The following DDR2 variants were observed in gnomAD, a reference collection of about 807,000 sequenced individuals.
The protein encoded by DDR2 is discoidin domain receptor tyrosine kinase 2, also known as discoidin domain-containing receptor 2.
A neutral mutation model predicts 94.9 loss-of-function variants in DDR2; 27 were observed. That is an observed-to-expected ratio of 0.28 (90% CI 0.21 to 0.39). The LOEUF is 0.39. Among genes scored for constraint, DDR2 ranks in the 10% least tolerant of loss-of-function variants. The pLI, the probability that DDR2 is intolerant of heterozygous loss-of-function variation, is 1.00. For synonymous variants in DDR2, 382 were observed against 377.2 expected (o/e 1.01, Z -0.15); for missense variants, 783 against 1,076.0 (o/e 0.73, Z 3.81).
intron 1 of DDR2, among the ~76,000 whole-genome samples, chr1:162,648,603 A>AAGTGCTCCCATTAG (rs1657530470): frequency 6.6e-6 from 1 of 152,202 alleles, no homozygotes; most frequent in Non-Finnish European, 1.5e-5. Context: ...TTCTCAGAAC[A>AAGTGCTCCCATTAG]AGGAGCACTG....
chr1:162,743,618 G>A lies in DDR2; in HGVS notation c.83-9477G>A, dbSNP rs186900681. Among the ~76,000 whole-genome samples the A allele has an allele frequency of 1.1e-3, 174 of 152,246 alleles. 1 individual carries two copies. The highest frequency in any genetic ancestry group is 8.2e-4 in the Non-Finnish European group (56 of 68,014). ...TCCCCTAGGGTGAATGAACATAAAG[G>A]CCTGGCCACAGGCTTTGAAAAAGGA... On this transcript the variant is annotated intron_variant, in intron 3 of 17. Transcript: ENST00000367921.
At chr1:162,665,865 T>C (rs1423973997) in intron 2 of DDR2, among the ~76,000 whole-genome samples, 2 of 152,204 alleles carry the variant, frequency 1.3e-5, no homozygotes, top group Non-Finnish European at 2.9e-5. Flanking sequence ...AGTAAGTCTA[T>C]GTTTCTTTAT....
At chr1:162,711,349 T>G (rs1660904721) in intron 2 of DDR2, among the ~76,000 whole-genome samples, 2 of 152,238 alleles carry the variant, frequency 1.3e-5, no homozygotes, top group Non-Finnish European at 2.9e-5. Context: ...TTAAATGTAC[T>G]GTGTGGGATT....
intron 1 of DDR2, among the ~76,000 whole-genome samples, chr1:162,643,938 A>G (rs1657280897): frequency 6.6e-6 from 1 of 152,198 alleles, no homozygotes. Context: ...AGTCTGGCAC[A>G]TTCAGAATGG....
At chr1:162,700,647 A>G (rs1660389607) in intron 2 of DDR2, among the ~76,000 whole-genome samples, 1 of 152,110 alleles carries the variant, frequency 6.6e-6, no homozygotes, top group Non-Finnish European at 1.5e-5. Flanking sequence ...TCATCCTTTT[A>G]CTACACATGT....
intron 3 of DDR2, among the ~76,000 whole-genome samples, chr1:162,726,740 G>A (rs943330278): frequency 6.6e-6 from 1 of 152,070 alleles, no homozygotes; most frequent in Non-Finnish European, 1.5e-5. Flanking sequence ...CAGGGCTCTC[G>A]TGTGGAAAGA....
At chr1:162,656,833 G>GTTTTGTTTTTTTTTTTTT (rs1558008740) in intron 2 of DDR2, among the ~76,000 whole-genome samples, 4 of 65,682 alleles carry the variant, frequency 6.1e-5, no homozygotes, top group Non-Finnish European at 1.2e-4. Flanking sequence ...TGCCACTGGA[G>GTTTTGTTTTTTTTTTTTT]TTTTTTTTTT....
intron 1 of DDR2, among the ~76,000 whole-genome samples, chr1:162,635,450 G>T (rs537435902): frequency 7.9e-5 from 12 of 152,032 alleles, no homozygotes; most frequent in Non-Finnish European, 1.5e-4. Flanking sequence ...CACATGTCTC[G>T]CAGGCATCCA....
chr1:162,729,371 G>C (rs962297511), intron 3 of DDR2, among the ~76,000 whole-genome samples: 2 of 145,742 alleles, frequency 1.4e-5, no homozygotes, highest in African/African-American at 2.5e-5. Context: ...CTGGCCTGTG[G>C]GTCTCTGAAG....
At chr1:162,772,419 A>G in intron 13 of DDR2, 172 bp downstream of exon 13, 1 of 740,794 alleles carries the variant, frequency 1.3e-6, no homozygotes, top group Non-Finnish European at 2.3e-6. Flanking sequence ...ATCTTTGTCA[A>G]ATAGCTGTGG....
chr1:162,722,610 T>C (rs1249484647), intron 3 of DDR2, among the ~76,000 whole-genome samples: 1 of 152,248 alleles, frequency 6.6e-6, no homozygotes, highest in Non-Finnish European at 1.5e-5. Context: ...ATGATTGGAA[T>C]GTTATTAGTT....
At chr1:162,667,780 C>A (rs908096015) in intron 2 of DDR2, among the ~76,000 whole-genome samples, 19 of 152,168 alleles carry the variant, frequency 1.2e-4, no homozygotes, top group Non-Finnish European at 4.4e-5. Context: ...TGACACTACC[C>A]CTCTCCCTCA....
chr1:162,656,925 C>T (rs1395542033), intron 2 of DDR2, among the ~76,000 whole-genome samples: 4 of 134,220 alleles, frequency 3.0e-5, no homozygotes, highest in Non-Finnish European at 6.2e-5. Context: ...AATCTTGGCT[C>T]ACTGCAACCT....
At chr1:162,644,763 A>G (rs1379055637) in intron 1 of DDR2, among the ~76,000 whole-genome samples, 1 of 151,942 alleles carries the variant, frequency 6.6e-6, no homozygotes, top group Non-Finnish European at 1.5e-5. Flanking sequence ...CACCTGGCTA[A>G]TTTTGTATTT....
At chr1:162,750,727 A>G (rs1663145607) in intron 3 of DDR2, among the ~76,000 whole-genome samples, 1 of 152,152 alleles carries the variant, frequency 6.6e-6, no homozygotes, top group Non-Finnish European at 1.5e-5. Flanking sequence ...GAGGCATCAC[A>G]CTACTTGACT....
At chr1:162,758,293 G>T (rs1052208154) in intron 7 of DDR2, among the ~76,000 whole-genome samples, 1 of 152,188 alleles carries the variant, frequency 6.6e-6, no homozygotes, top group Admixed American at 6.5e-5. Flanking sequence ...GATGACATCA[G>T]AGTCTCAGGA....
At chr1:162,754,553 T>C in intron 4 of DDR2, 71 bp from the exon 5 acceptor site, 1 of 1,499,016 alleles carries the variant, frequency 6.7e-7, no homozygotes, top group Non-Finnish European at 9.3e-7. Context: ...GGCAGCTGCT[T>C]GCCTGTGAAC....
At chr1:162,727,051 TAATA>T (rs1010998583) in intron 3 of DDR2, among the ~76,000 whole-genome samples, 6 of 145,466 alleles carry the variant, frequency 4.1e-5, no homozygotes, top group African/African-American at 1.5e-4. Flanking sequence ...ATAAATATTA[TAATA>T]AATATATTAT....
rs1205657898 is a variant in DDR2 at position 162,754,924 on chromosome 1, G to T, written c.417+69G>T. 3 of 1,583,860 alleles carry T rather than the reference G, an allele frequency of 1.9e-6. No homozygotes were observed. The African/African-American group carries it at 4.0e-5, about 21-fold the overall frequency. On this transcript the variant is annotated intron_variant, in intron 5 of 17. Transcript: ENST00000367921. ...TTTTGACTTAGGCTAGGAGAAGAAG[G>T]GTACAGGTTTTCTGTGTGGATATGT...
Sources: allele counts gnomAD v4.1 joint callset (sites outside exome capture counted in the v4.1 genomes callset), GRCh38; gene constraint gnomAD v4.1.1; transcripts MANE v1.5; gene names NCBI Gene and HGNC (gene_info 2026-07-23, HGNC 2026-07-21).